Variants in SEC16B observed in about 807,000 individuals in gnomAD.
The protein encoded by SEC16B is protein transport protein Sec16B.
In SEC16B, 115 loss-of-function variants were observed where a neutral mutation model predicts 141.8. That is an observed-to-expected ratio of 0.81 (90% confidence interval 0.70 to 0.95). The LOEUF is 0.95. Among genes scored for constraint, SEC16B ranks in the 40% least tolerant of loss-of-function variants. The pLI, the probability that SEC16B is intolerant of heterozygous loss-of-function variation, is 0.00. For missense variants in SEC16B, 1,291 were observed against 1,312.3 expected, an observed-to-expected ratio of 0.98 and a Z score of 0.25; for synonymous variants, 493 against 492.5, an observed-to-expected ratio of 1.00 and a Z score of -0.01.
At chr1:177,981,316 C>T (rs1654404838) in intron 1 of SEC16B, among the ~76,000 whole-genome samples, 1 of 152,058 alleles carries the variant, frequency 6.6e-6, no homozygotes, top group Admixed American at 6.6e-5. Context: ...TAGACCTGGA[C>T]AGTAAGAGTC....
Position 177,939,678 on chromosome 1 carries a change from T to C in SEC16B, c.2203+24A>G, listed in dbSNP as rs368893079. 28 of 1,524,046 alleles carry C rather than the reference T, an allele frequency of 1.8e-5. No homozygotes were observed. The African/African-American group carries it at 2.7e-4, about 15-fold the overall frequency. 94.4% of individuals were successfully genotyped at this position (1,524,046 alleles called of 1,614,324 possible). A position where few individuals can be genotyped will look rare whatever the true frequency, so the allele number is the denominator to read the frequency against. On this transcript the variant is annotated intron_variant, in intron 18 of 25. Transcript: ENST00000308284. ...AGATCCTGAGCGTCAGCTATGTATA[T>C]GCTCAGTTCATCATTTTGGGTACCT...
chr1:177,939,559 C>T (rs1052830389), intron 18 of SEC16B, 143 bp downstream of exon 18: 14 of 683,126 alleles, frequency 2.0e-5, no homozygotes, highest in East Asian at 5.6e-5. Flanking sequence ...GTGGAGAAGG[C>T]GCCTGGACAA....
At chr1:177,961,403 A>G in intron 6 of SEC16B, 187 bp downstream of exon 6, 2 of 587,208 alleles carry the variant, frequency 3.4e-6, no homozygotes, top group Non-Finnish European at 5.8e-6. Context: ...GGAATCAGCT[A>G]TGATGCAATT....
rs1650347409 is a variant in SEC16B, at chr1:177,930,623, G to T, written c.3033C>A (p.Cys1011Ter). 6 of 1,613,552 alleles carry T rather than the reference G, an allele frequency of 3.7e-6. No homozygotes were observed. Among genetic ancestry groups the T allele is most frequent in the Non-Finnish European group, 5.1e-6 (6 of 1,179,742 alleles). ...GAGGAAGAAGAACACCAGGGTTGGA[G>T]CAGAGCTCAAAGGAAACACTCTGTG... ...SGPESVSFEL[C>*]SNPGVLLPPP... is the part of the protein sequence containing the mutation. Residue 1011 changes from cysteine (C) to a stop codon, truncating the protein, a stop_gained, in exon 25 of 26, where the codon TGC (cysteine) becomes TGA (stop). Transcript: ENST00000308284. LOFTEE classifies it high-confidence loss of function.
At chr1:177,980,413 AG>A (rs1654360075) in intron 1 of SEC16B, among the ~76,000 whole-genome samples, 1 of 152,168 alleles carries the variant, frequency 6.6e-6, no homozygotes, top group Non-Finnish European at 1.5e-5. Flanking sequence ...TTTTCCCCAT[AG>A]CTCCTCTAAG....
intron 1 of SEC16B, among the ~76,000 whole-genome samples, chr1:177,969,611 G>A (rs1653818939): frequency 1.3e-5 from 2 of 152,222 alleles, no homozygotes; most frequent in South Asian, 2.1e-4. Flanking sequence ...AACTGCAAAG[G>A]TGCAACACCC....
At chr1:177,958,484 T>A in intron 9 of SEC16B, 122 bp from the exon 10 acceptor site, 2 of 722,346 alleles carry the variant, frequency 2.8e-6, no homozygotes, top group South Asian at 4.4e-5. Context: ...TATGCAAACA[T>A]AAGGCAGTCC....
At chr1:177,961,859 T>C in intron 5 of SEC16B, 125 bp from the exon 6 acceptor site, 2 of 937,452 alleles carry the variant, frequency 2.1e-6, no homozygotes, top group South Asian at 3.0e-5. Context: ...AAAGAGATAA[T>C]CAAGTTGATA....
At chr1:177,966,983 G>A (rs1653575966) in intron 2 of SEC16B, among the ~76,000 whole-genome samples, 1 of 152,172 alleles carries the variant, frequency 6.6e-6, no homozygotes, top group Admixed American at 6.5e-5. Flanking sequence ...TGGAAAAGCT[G>A]AAGTAGAACA....
chr1:177,962,679 A>C (rs1160221223), intron 5 of SEC16B, among the ~76,000 whole-genome samples: 5 of 151,766 alleles, frequency 3.3e-5, no homozygotes, highest in Non-Finnish European at 5.9e-5. Flanking sequence ...CCAGGAGTTC[A>C]AGGCTGCAGT....
chr1:177,978,294 G>A (rs1280034729), intron 1 of SEC16B, among the ~76,000 whole-genome samples: 1 of 152,176 alleles, frequency 6.6e-6, no homozygotes, highest in African/African-American at 2.4e-5. Flanking sequence ...TGTAGGAGGT[G>A]CACAATAAGT....
At chr1:177,932,864 C>A in intron 22 of SEC16B, 58 bp from the exon 23 acceptor site, 1 of 1,480,864 alleles carries the variant, frequency 6.8e-7, no homozygotes, top group Non-Finnish European at 9.2e-7. Flanking sequence ...CAAATTGATG[C>A]CCGCCAATTT....
intron 3 of SEC16B, 131 bp downstream of exon 3, chr1:177,965,762 A>G: frequency 1.7e-6 from 1 of 593,154 alleles, no homozygotes; most frequent in South Asian, 2.3e-5. Flanking sequence ...TGTTTCTGCT[A>G]TGGTCTCGTC....
intron 24 of SEC16B, 123 bp downstream of exon 24, chr1:177,932,367 C>T (rs1571303811): frequency 1.5e-6 from 1 of 687,676 alleles, no homozygotes; most frequent in African/African-American, 1.9e-5. Flanking sequence ...CCTGAGCAAA[C>T]TAACACAGCA....
intron 12 of SEC16B, among the ~76,000 whole-genome samples, chr1:177,949,498 T>TCAATGGAG (rs1475146973): frequency 6.6e-6 from 1 of 150,404 alleles, no homozygotes; most frequent in African/African-American, 2.5e-5. Flanking sequence ...ATAAATCAGA[T>TCAATGGAG]CAATGGAGAG....
Position 177,961,654 on chromosome 1 carries a change from G to GTAC in SEC16B, c.720_722dup (p.Gln240_Tyr241insTer). 1 of 1,614,016 alleles carries GTAC rather than the reference G, an allele frequency of 6.2e-7. No homozygotes were observed. Among genetic ancestry groups the GTAC allele is most frequent in the South Asian group, 1.1e-5 (1 of 91,078 alleles). On this transcript the variant is annotated stop_gained, in exon 6 of 26. Coordinates refer to ENST00000308284, the MANE Select transcript of SEC16B (RefSeq NM_033127.4). LOFTEE classifies it high-confidence loss of function. Reference sequence around the variant, plus strand: ...CATCCCGCTCCGGGGCATCTCTGATGTACTGACTGAGCTCATAGCTGCTGG... The same window carrying GTAC: ...CATCCCGCTCCGGGGCATCTCTGATGTACTACTGACTGAGCTCATAGCTGCTGG...
chr1:177,963,298 CT>C (rs1214643414), intron 5 of SEC16B, among the ~76,000 whole-genome samples: 2 of 151,666 alleles, frequency 1.3e-5, no homozygotes, highest in East Asian at 2.0e-4. Context: ...TAATACAAGA[CT>C]TTCAAAATTA....
chr1:177,983,900 A>G (rs1654525047), intron 1 of SEC16B, among the ~76,000 whole-genome samples: 1 of 152,206 alleles, frequency 6.6e-6, no homozygotes. Context: ...TCTTTTGCAC[A>G]TTAACAATCC....
intron 17 of SEC16B, 45 bp from the exon 18 acceptor site, chr1:177,939,822 A>G: frequency 7.2e-7 from 1 of 1,394,388 alleles, no homozygotes; most frequent in Non-Finnish European, 9.8e-7. Flanking sequence ...CACAAAGGAA[A>G]AACAAGAACA....
Sources: allele counts gnomAD v4.1 joint callset (sites outside exome capture counted in the v4.1 genomes callset), GRCh38; gene constraint gnomAD v4.1.1; transcripts MANE v1.5; gene names NCBI Gene and HGNC (gene_info 2026-07-23, HGNC 2026-07-21).